TENT5D: variants seen among roughly 807,000 people sequenced by gnomAD.
TENT5D encodes cancer/testis antigen 112.
For synonymous variants in TENT5D, 103 were observed against 100.6 expected (o/e 1.02, Z -0.15); for missense variants, 191 against 287.0 (o/e 0.67, Z 2.42).
At chrX:80,397,254 G>A (rs1235887934) in intron 3 of TENT5D, among the ~76,000 whole-genome samples, 2 of 107,810 alleles carry the variant, frequency 1.9e-5, no homozygotes, top group African/African-American at 6.8e-5. Flanking sequence ...CCCAGACGGG[G>A]TCGCAGCTGG....
At chrX:80,375,085 T>C (rs1289193893) in intron 3 of TENT5D, among the ~76,000 whole-genome samples, 1 of 111,792 alleles carries the variant, frequency 8.9e-6, no homozygotes, top group East Asian at 2.8e-4. Context: ...CCATTTCTGT[T>C]CTTTCATTGC....
At chrX:80,345,144 G>A (rs899739807) in intron 3 of TENT5D, among the ~76,000 whole-genome samples, 2 of 111,687 alleles carry the variant, frequency 1.8e-5, no homozygotes, top group Non-Finnish European at 1.9e-5. Context: ...AAGTTGGAAC[G>A]TTTTTTATTC....
chrX:80,389,074 C>T (rs1389525169), intron 3 of TENT5D, among the ~76,000 whole-genome samples: 1 of 111,529 alleles, frequency 9.0e-6, no homozygotes, highest in East Asian at 2.8e-4. Flanking sequence ...TTCTCTCAAG[C>T]GCGGAAATTC....
At chrX:80,375,694 A>G (rs750130368) in intron 3 of TENT5D, among the ~76,000 whole-genome samples, 21 of 111,707 alleles carry the variant, frequency 1.9e-4, no homozygotes, top group Non-Finnish European at 3.0e-4. Context: ...TATGATGTTG[A>G]TACAACTCAT....
chrX:80,390,553 T>C (rs1480896560), intron 3 of TENT5D, among the ~76,000 whole-genome samples: 2 of 111,292 alleles, frequency 1.8e-5, no homozygotes, highest in Non-Finnish European at 3.8e-5. Context: ...GCTCAGTATG[T>C]AGAGAAGGCA....
chrX:80,409,483 A>T (rs1162505985), intron 3 of TENT5D, among the ~76,000 whole-genome samples: 1 of 110,905 alleles, frequency 9.0e-6, no homozygotes, highest in African/African-American at 3.3e-5. Context: ...AAATGAGTGA[A>T]CTCCCATTCA....
chrX:80,347,350 G>C (rs1240799034), intron 3 of TENT5D, among the ~76,000 whole-genome samples: 1 of 111,928 alleles, frequency 8.9e-6, no homozygotes, highest in Non-Finnish European at 1.9e-5. Context: ...GTTGTTTCCA[G>C]ACTTTTTAAT....
chrX:80,405,459 G>A (rs1931467248), intron 3 of TENT5D, among the ~76,000 whole-genome samples: 2 of 112,768 alleles, frequency 1.8e-5, no homozygotes, highest in African/African-American at 6.4e-5. Context: ...AAGGGGTCAG[G>A]GAGTTCCCTT....
chrX:80,429,975 T>C (rs1311999594), intron 1 of TENT5D, among the ~76,000 whole-genome samples: 1 of 110,725 alleles, frequency 9.0e-6, no homozygotes, highest in African/African-American at 3.3e-5. Flanking sequence ...TTGCATTCTA[T>C]TGGGAATGGG....
At chrX:80,406,894 C>A (rs1243311009) in intron 3 of TENT5D, among the ~76,000 whole-genome samples, 2 of 100,008 alleles carry the variant, frequency 2.0e-5, no homozygotes, top group African/African-American at 7.4e-5. Context: ...AGACTAACAG[C>A]GGATCTCTTG....
At chrX:80,440,540 G>A (rs761556000) in intron 2 of TENT5D, among the ~76,000 whole-genome samples, 1 of 110,269 alleles carries the variant, frequency 9.1e-6, no homozygotes, top group African/African-American at 3.3e-5. Flanking sequence ...AAAGAATTTC[G>A]TAATTTCAGT....
chrX:80,401,376 C>G (rs988023827), intron 3 of TENT5D, among the ~76,000 whole-genome samples: 7 of 111,667 alleles, frequency 6.3e-5, no homozygotes, highest in Admixed American at 2.9e-4. Context: ...AATTTCACCT[C>G]TTTTCCTGTT....
At chrX:80,442,664 A>T in exon 3 of TENT5D, 3 of 1,210,953 alleles carry the variant, frequency 2.5e-6, no homozygotes, top group Non-Finnish European at 3.4e-6. Context: ...AAACCAAAAG[A>T]CATCATTCAT....
intron 3 of TENT5D, among the ~76,000 whole-genome samples, chrX:80,393,464 C>A (rs975269124): frequency 1.8e-5 from 2 of 110,421 alleles, no homozygotes; most frequent in East Asian, 2.8e-4. Flanking sequence ...TTATGGGGTA[C>A]AATGTGATTA....
chrX:80,416,914 C>G (rs1931788752), upstream of TENT5D, among the ~76,000 whole-genome samples: 2 of 111,112 alleles, frequency 1.8e-5, no homozygotes, highest in African/African-American at 6.5e-5. Context: ...AACTCTCCTG[C>G]TATTATTGTG....
chrX:80,358,315 G>T (rs1222044842), intron 3 of TENT5D, among the ~76,000 whole-genome samples: 1 of 111,523 alleles, frequency 9.0e-6, no homozygotes, highest in Non-Finnish European at 1.9e-5. Flanking sequence ...ATTGACAAAT[G>T]GGATCTAATT....
intron 3 of TENT5D, among the ~76,000 whole-genome samples, chrX:80,396,001 C>T (rs1189211958): frequency 9.2e-6 from 1 of 108,921 alleles, no homozygotes; most frequent in East Asian, 2.9e-4. Flanking sequence ...TCCTCCAGTC[C>T]TTCCATATTA....
At chrX:80,379,185 T>G (rs1480895129) in intron 3 of TENT5D, among the ~76,000 whole-genome samples, 1 of 104,979 alleles carries the variant, frequency 9.5e-6, no homozygotes, top group East Asian at 3.0e-4. Context: ...TGCATTCCAT[T>G]CTGCATTCTA....
intron 3 of TENT5D, among the ~76,000 whole-genome samples, chrX:80,360,530 G>T (rs1313232780): frequency 3.6e-5 from 4 of 112,183 alleles, no homozygotes; most frequent in African/African-American, 1.3e-4. Context: ...TTTGCATTTA[G>T]TCTAAACTAG....
Sources: gnomAD v4.1 joint callset for allele counts (sites outside exome capture counted in the v4.1 genomes callset) on GRCh38, gnomAD v4.1.1 for gene constraint, MANE v1.5 for transcripts, NCBI Gene and HGNC (gene_info 2026-07-23, HGNC 2026-07-21) for gene names.